The following STPG2 variants were observed in gnomAD, a reference collection of about 807,000 sequenced individuals.
The protein encoded by STPG2 is sperm-tail PG-rich repeat-containing protein 2.
A neutral mutation model predicts 54.2 loss-of-function variants in STPG2; 56 were observed. The ratio of observed to expected loss-of-function variants is 1.03; its 90% CI spans 0.83 to 1.29. STPG2 has a LOEUF of 1.29. Among genes scored for constraint, STPG2 ranks in the 50% most tolerant of loss-of-function variants. The pLI is 0.00. For missense variants in STPG2, 596 were observed against 544.9 expected, an observed-to-expected ratio of 1.09 and a Z score of -0.93; for synonymous variants, 200 against 181.8, an observed-to-expected ratio of 1.10 and a Z score of -0.81.
rs377599632 is a variant in STPG2, at chr4:97,559,701, C to A, written c.1321-584G>T. 7.9e-5 allele frequency among the ~76,000 whole-genome samples: 12 copies of A among 152,214 alleles called. No homozygotes were observed. In the East Asian group the frequency reaches 1.7e-3, roughly 22 times the overall value. On this transcript the variant is annotated intron_variant, in intron 10 of 10. Coordinates refer to ENST00000295268, the MANE Select transcript of STPG2 (RefSeq NM_174952.3). ...GCACTGATTACTACAGTATATTTAA[C>A]CTTCAATTCTCTCTTTTCTACTCTG...
chr4:97,560,813 A>T (rs1029963364), intron 10 of STPG2, among the ~76,000 whole-genome samples: 1 of 152,162 alleles, frequency 6.6e-6, no homozygotes, highest in Non-Finnish European at 1.5e-5. Flanking sequence ...TGAATGAGTA[A>T]AATTGAGGGG....
At chr4:97,822,609 C>A (rs751023436) in intron 9 of STPG2, among the ~76,000 whole-genome samples, 2 of 152,206 alleles carry the variant, frequency 1.3e-5, no homozygotes, top group African/African-American at 4.8e-5. Context: ...GAAGGCTGTA[C>A]AAGCATAGTG....
intron 5 of STPG2, among the ~76,000 whole-genome samples, chr4:98,053,792 A>G (rs1033281613): frequency 6.6e-6 from 1 of 152,142 alleles, no homozygotes; most frequent in Non-Finnish European, 1.5e-5. Flanking sequence ...AGATATATAA[A>G]TCCTGTGTAT....
chr4:97,562,226 G>A (rs894489465), intron 10 of STPG2, among the ~76,000 whole-genome samples: 7 of 152,130 alleles, frequency 4.6e-5, no homozygotes, highest in Non-Finnish European at 7.4e-5. Flanking sequence ...GTTCACTCAT[G>A]ATTTGGCTCT....
At chr4:97,726,926 G>A (rs561999010) in intron 9 of STPG2, among the ~76,000 whole-genome samples, 2 of 151,760 alleles carry the variant, frequency 1.3e-5, no homozygotes, top group African/African-American at 4.8e-5. Context: ...CATCTGCTGT[G>A]ATGTTTCATT....
chr4:97,747,012 CAA>C (rs68176141), intron 9 of STPG2, among the ~76,000 whole-genome samples: 66 of 135,192 alleles, frequency 4.9e-4, no homozygotes, highest in Non-Finnish European at 6.1e-4. Context: ...TGTTTTTATA[CAA>C]AAAAAAAAAA....
intron 10 of STPG2, among the ~76,000 whole-genome samples, chr4:97,678,374 T>C (rs1313587124): frequency 7.7e-6 from 1 of 129,252 alleles, no homozygotes; most frequent in Non-Finnish European, 1.6e-5. Flanking sequence ...ATTTAAAAAC[T>C]ATTCATATGT....
intron 10 of STPG2, among the ~76,000 whole-genome samples, chr4:97,627,770 A>C (rs1734171684): frequency 6.6e-6 from 1 of 152,198 alleles, no homozygotes; most frequent in Non-Finnish European, 1.5e-5. Flanking sequence ...ATAAGGAATT[A>C]GCTCACATAA....
intron 8 of STPG2, among the ~76,000 whole-genome samples, chr4:97,859,971 T>C (rs1031742418): frequency 6.6e-6 from 1 of 152,238 alleles, no homozygotes; most frequent in Non-Finnish European, 1.5e-5. Context: ...GCATCATTTG[T>C]TGAGCAGGGT....
At chr4:97,721,974 C>T (rs1724463410) in intron 9 of STPG2, among the ~76,000 whole-genome samples, 1 of 151,544 alleles carries the variant, frequency 6.6e-6, no homozygotes, top group African/African-American at 2.4e-5. Flanking sequence ...TCAATAAAAA[C>T]ACCAAAGAAT....
At chr4:97,941,752 TTGAGA>T (rs1239835075) in intron 8 of STPG2, among the ~76,000 whole-genome samples, 3 of 152,046 alleles carry the variant, frequency 2.0e-5, no homozygotes, top group African/African-American at 7.2e-5. Flanking sequence ...CTTTATACAT[TTGAGA>T]TATTATTTCA....
At chr4:97,678,468 A>T (rs1025122335) in intron 10 of STPG2, among the ~76,000 whole-genome samples, 1 of 152,110 alleles carries the variant, frequency 6.6e-6, no homozygotes, top group East Asian at 1.9e-4. Context: ...GTACCTACTG[A>T]TTATAAAAAG....
At chr4:97,740,770 G>T (rs970240346) in intron 9 of STPG2, among the ~76,000 whole-genome samples, 7 of 152,176 alleles carry the variant, frequency 4.6e-5, no homozygotes, top group African/African-American at 1.7e-4. Context: ...TCAATATCGT[G>T]AAAATGGCAA....
intron 10 of STPG2, among the ~76,000 whole-genome samples, chr4:97,581,240 T>C (rs1335337148): frequency 1.3e-5 from 2 of 152,088 alleles, no homozygotes; most frequent in East Asian, 3.8e-4. Context: ...AAAGTTTTTT[T>C]GAGCAATGCC....
At chr4:97,484,489 A>G (rs1306088145) in intron 4 of STPG2, among the ~76,000 whole-genome samples, 1 of 151,842 alleles carries the variant, frequency 6.6e-6, no homozygotes, top group Non-Finnish European at 1.5e-5. Flanking sequence ...CTGGAAAAAT[A>G]CAATTCTCCT....
intron 8 of STPG2, among the ~76,000 whole-genome samples, chr4:97,855,641 T>C (rs1729310773): frequency 6.6e-6 from 1 of 152,240 alleles, no homozygotes; most frequent in South Asian, 2.1e-4. Context: ...CGAAAGTTTC[T>C]TCTGCTGTGC....
chr4:97,544,449 G>T (rs1731792149), intron 4 of STPG2, among the ~76,000 whole-genome samples: 1 of 151,918 alleles, frequency 6.6e-6, no homozygotes, highest in Non-Finnish European at 1.5e-5. Context: ...ACATTCATGA[G>T]GGAAACACAG....
intron 10 of STPG2, among the ~76,000 whole-genome samples, chr4:97,707,505 A>C (rs1332918480): frequency 6.6e-6 from 1 of 152,178 alleles, no homozygotes; most frequent in Non-Finnish European, 1.5e-5. Flanking sequence ...TGGGCAACAG[A>C]GTGAGACCCT....
At chr4:98,100,662 C>CTTTTT (rs1166820709) in intron 5 of STPG2, among the ~76,000 whole-genome samples, 126 of 116,778 alleles carry the variant, frequency 1.1e-3, no homozygotes, top group Middle Eastern at 5.3e-3. Context: ...CTTTTTCTTT[C>CTTTTT]TTTTTTTTTT....
Sources: gnomAD v4.1 joint callset for allele counts (sites outside exome capture counted in the v4.1 genomes callset) on GRCh38, gnomAD v4.1.1 for gene constraint, MANE v1.5 for transcripts, NCBI Gene and HGNC (gene_info 2026-07-23, HGNC 2026-07-21) for gene names.